Variants in COL19A1 observed in about 807,000 individuals in gnomAD.
The protein encoded by COL19A1 is collagen alpha-1(XIX) chain.
Under a neutral mutation model 190.2 loss-of-function variants are expected in COL19A1, and 159 were observed. That is an observed-to-expected ratio of 0.84 (90% CI 0.73 to 0.95). COL19A1 has a LOEUF of 0.95. Ranked by LOEUF, COL19A1 falls within the 40% of genes least tolerant of loss-of-function variation. The pLI is 0.00. For missense variants in COL19A1, 1,418 were observed against 1,431.9 expected (o/e 0.99, Z 0.16); for synonymous variants, 509 against 458.9 (o/e 1.11, Z -1.39).
chr6:69,913,369 A>G (rs765100229), intron 4 of COL19A1, among the ~76,000 whole-genome samples: 5 of 152,242 alleles, frequency 3.3e-5, no homozygotes, highest in African/African-American at 9.6e-5. Context: ...GAATAGAAAC[A>G]GTCCCCTCCA....
At chr6:70,136,017 T>C (rs1181816290) in intron 18 of COL19A1, among the ~76,000 whole-genome samples, 2 of 152,176 alleles carry the variant, frequency 1.3e-5, no homozygotes, top group East Asian at 3.9e-4. Context: ...ACCTTAAAGG[T>C]AACTTGACAT....
At chr6:70,021,591 T>G (rs1210355946) in intron 11 of COL19A1, among the ~76,000 whole-genome samples, 1 of 152,174 alleles carries the variant, frequency 6.6e-6, no homozygotes, top group Non-Finnish European at 1.5e-5. Context: ...AGAAAGATAT[T>G]TTCTTCTGTG....
intron 4 of COL19A1, among the ~76,000 whole-genome samples, chr6:69,911,439 A>G (rs972652892): frequency 2.6e-5 from 4 of 152,162 alleles, no homozygotes; most frequent in African/African-American, 9.7e-5. Context: ...AAAGTAATAA[A>G]ATATTCAAAT....
chr6:70,001,157 T>G (rs1350802584), intron 11 of COL19A1, among the ~76,000 whole-genome samples: 1 of 152,206 alleles, frequency 6.6e-6, no homozygotes, highest in Non-Finnish European at 1.5e-5. Context: ...TTTGTCAAGT[T>G]TGTCGAAGAT....
At chr6:69,926,432 G>A (rs1476712910) in intron 4 of COL19A1, among the ~76,000 whole-genome samples, 5 of 152,060 alleles carry the variant, frequency 3.3e-5, no homozygotes, top group African/African-American at 1.2e-4. Context: ...TTACCAAATA[G>A]AGAATATCAA....
intron 14 of COL19A1, among the ~76,000 whole-genome samples, chr6:70,036,743 A>G (rs1157343160): frequency 6.6e-6 from 1 of 152,152 alleles, no homozygotes; most frequent in African/African-American, 2.4e-5. Flanking sequence ...GAGATAAATT[A>G]AGCATTTAAA....
intron 10 of COL19A1, among the ~76,000 whole-genome samples, chr6:69,961,780 A>G (rs1430711168): frequency 1.3e-5 from 2 of 152,068 alleles, no homozygotes; most frequent in Non-Finnish European, 2.9e-5. Flanking sequence ...TTATATAATC[A>G]TAAACATATA....
intron 15 of COL19A1, chr6:70,098,784 A>C (rs1308572827): frequency 5.0e-6 from 1 of 199,078 alleles, no homozygotes; most frequent in Non-Finnish European, 1.0e-5. Context: ...CTTCAGAGGA[A>C]CAGGAGACAG....
chr6:70,168,213 C>T lies in COL19A1; in HGVS notation c.2539C>T (p.Pro847Ser), dbSNP rs1583072139. The T allele has an allele frequency of 1.2e-6, 2 of 1,613,128 alleles. No homozygotes were observed. Among genetic ancestry groups the T allele is most frequent in the Non-Finnish European group, 1.7e-6 (2 of 1,179,510 alleles). The change falls in exon 39 of 51, where the codon CCT becomes TCT. Residue 847 changes from proline to serine, a missense_variant and splice_region_variant. Physicochemically the swap from Pro to Ser is moderately conservative, Grantham distance 74. Coordinates refer to ENST00000620364, the MANE Select transcript of COL19A1 (RefSeq NM_001858.6). ...VPSYPGPPGP[P>S]GPKGDPGPVG... is the part of the protein sequence containing the mutation. ...CAGTTACCCAGGGCCACCCGGTCCT[C>T]CTGTAAGTACAGTTGTTTATCATCA...
At chr6:70,202,158 A>C (rs533962964) in intron 49 of COL19A1, among the ~76,000 whole-genome samples, 29 of 152,348 alleles carry the variant, frequency 1.9e-4, no homozygotes, top group African/African-American at 6.7e-4. Context: ...GTTGGGAAGA[A>C]AAGATGGCTT....
At position 70,207,264 on chromosome 6, in the gene COL19A1, G is replaced by A; in HGVS notation, c.3419G>A (p.Gly1140Asp). Residue 1140 changes from glycine to aspartate, a missense_variant, in exon 51 of 51, where the codon GGT (glycine) becomes GAT (aspartate). By Grantham distance (94) the Gly-to-Asp change is moderately conservative (BLOSUM62 -1). Coordinates refer to ENST00000620364, the MANE Select transcript of COL19A1 (RefSeq NM_001858.6). ...YPVSHAHQRT[G>D]GN Reference sequence around the variant, plus strand: ...GTGTCTCATGCCCATCAGCGCACAGGTGGGAATTGAACACACCTGAAGAAG... The same window carrying A: ...GTGTCTCATGCCCATCAGCGCACAGATGGGAATTGAACACACCTGAAGAAG... 1.2e-6 allele frequency: 2 copies of A among 1,613,488 alleles called. No individual in the cohort carries two copies. Among genetic ancestry groups the A allele is most frequent in the Non-Finnish European group, 1.7e-6 (2 of 1,179,766 alleles).
At position 70,140,942 on chromosome 6, in the gene COL19A1, C is replaced by G. The variant is rs1786210458; in HGVS notation, c.1447-12C>G. On this transcript the variant is annotated splice_polypyrimidine_tract_variant and intron_variant, in intron 19 of 50. Transcript: ENST00000620364. Reference sequence around the variant, plus strand: ...AGAGCGTTTAATTCTATTTTCTACCCCTTCTCCTTAGGGAGAGCCTTTTAC... The same window carrying G: ...AGAGCGTTTAATTCTATTTTCTACCGCTTCTCCTTAGGGAGAGCCTTTTAC... 3 of 1,609,900 alleles carry G rather than the reference C, an allele frequency of 1.9e-6. No homozygotes were observed. The highest frequency in any genetic ancestry group is 1.7e-6 in the Non-Finnish European group (2 of 1,177,032).
intron 14 of COL19A1, among the ~76,000 whole-genome samples, chr6:70,039,090 G>C (rs2150121232): frequency 6.6e-6 from 1 of 151,914 alleles, no homozygotes; most frequent in African/African-American, 2.4e-5. Context: ...TCTCTATCTT[G>C]ACTGCACATT....
At position 69,870,172 on chromosome 6, in the gene COL19A1, G is replaced by A. The variant is rs147716388; in HGVS notation, c.-33+3532G>A. On this transcript the variant is annotated intron_variant, in intron 1 of 50. Transcript: ENST00000620364. ...TGATTTGTTTATTTTTAGTCCAAGT[G>A]TATTGCCTTAGACTGTATCATTCTA... is the stretch of plus-strand genomic sequence containing the variant. Among the ~76,000 whole-genome samples, 146 of 152,200 alleles carry A rather than the reference G, an allele frequency of 9.6e-4. No homozygotes were observed. In the Middle Eastern group the frequency reaches 0.01, roughly 11 times the overall value.
intron 29 of COL19A1, 22 bp downstream of exon 29, chr6:70,149,926 C>G (rs1158244692): frequency 1.2e-6 from 2 of 1,613,672 alleles, no homozygotes; most frequent in South Asian, 1.1e-5. Flanking sequence ...CTTTATCTAC[C>G]CTCCCCCATT....
intron 4 of COL19A1, among the ~76,000 whole-genome samples, chr6:69,919,555 A>G (rs1250977455): frequency 1.3e-5 from 2 of 152,138 alleles, no homozygotes; most frequent in Non-Finnish European, 2.9e-5. Flanking sequence ...GGTTTTAAGT[A>G]AATTTTGACC....
At chr6:69,989,553 CTTTTT>C (rs3072698) in intron 11 of COL19A1, among the ~76,000 whole-genome samples, 1 of 126,352 alleles carries the variant, frequency 7.9e-6, no homozygotes, top group Non-Finnish European at 1.6e-5. Flanking sequence ...GAGTTTTTTA[CTTTTT>C]TTTTTTTTTT....
intron 1 of COL19A1, among the ~76,000 whole-genome samples, chr6:69,877,275 T>C (rs1292867560): frequency 1.3e-5 from 2 of 152,216 alleles, no homozygotes; most frequent in African/African-American, 4.8e-5. Context: ...ATTTCCACAT[T>C]AGTTGCTTCA....
At chr6:69,997,416 T>A (rs1338818991) in intron 11 of COL19A1, among the ~76,000 whole-genome samples, 1 of 152,158 alleles carries the variant, frequency 6.6e-6, no homozygotes, top group Non-Finnish European at 1.5e-5. Flanking sequence ...AGGGCCAGGG[T>A]CTCAGATACT....
Sources: allele counts gnomAD v4.1 joint callset (sites outside exome capture counted in the v4.1 genomes callset), GRCh38; gene constraint gnomAD v4.1.1; transcripts MANE v1.5; gene names NCBI Gene and HGNC (gene_info 2026-07-23, HGNC 2026-07-21).